Variants in TNPO3 observed in about 807,000 individuals in gnomAD.
The protein encoded by TNPO3 is transportin 3.
Under a neutral mutation model 122.8 loss-of-function variants are expected in TNPO3, and 65 were observed. The ratio of observed to expected loss-of-function variants is 0.53; its 90% CI spans 0.43 to 0.65. TNPO3 has a LOEUF of 0.65. TNPO3 is among the 30% of genes least tolerant of loss of function. The pLI is 0.00. For synonymous variants in TNPO3, 372 were observed against 411.2 expected (o/e 0.90, Z 1.15); for missense variants, 850 against 1,136.7 (o/e 0.75, Z 3.63).
chr7:129,055,902 A>T, upstream of TNPO3: 1 of 612,932 alleles, frequency 1.6e-6, no homozygotes, highest in South Asian at 2.0e-5. Flanking sequence ...AATGATCACA[A>T]TGTGTAAAAC....
chr7:128,961,501 C>G (rs1348725061), intron 21 of TNPO3, among the ~76,000 whole-genome samples: 1 of 152,112 alleles, frequency 6.6e-6, no homozygotes, highest in African/African-American at 2.4e-5. Flanking sequence ...AACTAAACCA[C>G]CTAATGACAC....
At chr7:128,987,125 T>C (rs909190138) in intron 11 of TNPO3, among the ~76,000 whole-genome samples, 16 of 152,176 alleles carry the variant, frequency 1.1e-4, no homozygotes, top group African/African-American at 3.6e-4. Flanking sequence ...CTGAGACCCA[T>C]CTATTTCATC....
At chr7:129,039,224 C>T (rs1434558815) in intron 1 of TNPO3, among the ~76,000 whole-genome samples, 1 of 152,048 alleles carries the variant, frequency 6.6e-6, no homozygotes, top group Non-Finnish European at 1.5e-5. Flanking sequence ...TAAAATGGTA[C>T]AGCCATTTTG....
At chr7:129,020,571 T>C (rs1195503133) in intron 1 of TNPO3, among the ~76,000 whole-genome samples, 2 of 152,122 alleles carry the variant, frequency 1.3e-5, no homozygotes, top group Admixed American at 6.5e-5. Context: ...CCCCTAGTAG[T>C]TGGAACTACA....
At chr7:129,011,463 C>G (rs1182952143) in intron 4 of TNPO3, among the ~76,000 whole-genome samples, 2 of 152,160 alleles carry the variant, frequency 1.3e-5, no homozygotes, top group African/African-American at 2.4e-5. Flanking sequence ...CCTGCCTTGG[C>G]CTCCCGAGTA....
intron 1 of TNPO3, among the ~76,000 whole-genome samples, chr7:129,022,454 C>A (rs1804631574): frequency 6.7e-6 from 1 of 150,342 alleles, no homozygotes; most frequent in Non-Finnish European, 1.5e-5. Flanking sequence ...CAGAGCAAGA[C>A]CCCGTTTCTT....
chr7:128,973,735 CAAAAAAAAAAA>C (rs71162544), intron 18 of TNPO3, among the ~76,000 whole-genome samples: 12 of 5,270 alleles, frequency 2.3e-3, no homozygotes, highest in African/African-American at 6.9e-3. Context: ...GACTCCGTCT[CAAAAAAAAAAA>C]AAAAAAAAAA....
intron 17 of TNPO3, 87 bp downstream of exon 17, chr7:128,975,732 C>A: frequency 1.2e-6 from 1 of 808,980 alleles, no homozygotes; most frequent in South Asian, 1.6e-5. Flanking sequence ...AAAGAAGCAA[C>A]AGAATTAAAG....
At chr7:129,018,577 T>C (rs1330209512) in intron 1 of TNPO3, among the ~76,000 whole-genome samples, 1 of 152,240 alleles carries the variant, frequency 6.6e-6, no homozygotes, top group Non-Finnish European at 1.5e-5. Context: ...AAGAATTGAA[T>C]CCAGAAGCTG....
At chr7:128,996,742 CAAAAAAAAAA>C (rs10618550) in intron 8 of TNPO3, among the ~76,000 whole-genome samples, 6 of 69,910 alleles carry the variant, frequency 8.6e-5, no homozygotes, top group South Asian at 5.9e-4. Flanking sequence ...GACTCCGTCT[CAAAAAAAAAA>C]AAAAAAAAAA....
intron 11 of TNPO3, among the ~76,000 whole-genome samples, chr7:128,989,068 C>A (rs1460645528): frequency 6.6e-6 from 1 of 151,996 alleles, no homozygotes; most frequent in Non-Finnish European, 1.5e-5. Flanking sequence ...CAGAGCGAGA[C>A]TCTATCTCAA....
chr7:129,055,855 C>T (rs1238044352), upstream of TNPO3: 2 of 581,478 alleles, frequency 3.4e-6, no homozygotes, highest in South Asian at 2.1e-5. Flanking sequence ...AACATTGCTG[C>T]TAGTCCTTTG....
intron 7 of TNPO3, among the ~76,000 whole-genome samples, chr7:128,997,827 T>C (rs1164913887): frequency 5.3e-5 from 8 of 151,998 alleles, no homozygotes. Flanking sequence ...ATAACAGACA[T>C]GGAAGTCTTT....
chr7:129,001,618 T>C (rs1484525186), intron 5 of TNPO3, among the ~76,000 whole-genome samples: 2 of 152,172 alleles, frequency 1.3e-5, no homozygotes, highest in African/African-American at 2.4e-5. Flanking sequence ...ATAAATGTAA[T>C]AGGAAAACAA....
rs1481664892 is a variant in TNPO3 at position 128,979,090 on chromosome 7, G to C, written c.1954C>G (p.His652Asp). 3.1e-6 allele frequency: 5 copies of C among 1,614,180 alleles called. No individual in the cohort carries two copies. Among genetic ancestry groups the C allele is most frequent in the Non-Finnish European group, 4.2e-6 (5 of 1,180,018 alleles). The change falls in exon 16 of 23, where the codon CAC (histidine) becomes GAC (aspartate). Residue 652 changes from histidine (H) to aspartate (D), a missense_variant. Coordinates refer to ENST00000265388, the MANE Select transcript of TNPO3 (RefSeq NM_012470.4). ...TCTACAATCCGATTATCAGCTCGGT[G>C]CTTATTTAGAGTCTCGGATAAAACT... is the stretch of plus-strand genomic sequence containing the variant. ...WPVLSETLNK[H>D]RADNRIVERC...
At chr7:129,023,533 C>A (rs1804776952) in intron 1 of TNPO3, among the ~76,000 whole-genome samples, 1 of 151,880 alleles carries the variant, frequency 6.6e-6, no homozygotes, top group Non-Finnish European at 1.5e-5. Flanking sequence ...CAAGATGGGC[C>A]CATGATACAT....
chr7:129,043,935 T>C (rs1379714265), intron 1 of TNPO3, among the ~76,000 whole-genome samples: 2 of 152,208 alleles, frequency 1.3e-5, no homozygotes, highest in Non-Finnish European at 2.9e-5. Flanking sequence ...TCAACACTGG[T>C]CTCTATTTCT....
chr7:129,054,346 C>T (rs1809200275), intron 1 of TNPO3, among the ~76,000 whole-genome samples: 1 of 152,080 alleles, frequency 6.6e-6, no homozygotes, highest in African/African-American at 2.4e-5. Flanking sequence ...AACGGAAAAG[C>T]ACGGCCCAAG....
At chr7:128,968,757 C>A (rs2128990354) in intron 20 of TNPO3, among the ~76,000 whole-genome samples, 1 of 152,256 alleles carries the variant, frequency 6.6e-6, no homozygotes, top group South Asian at 2.1e-4. Context: ...GCAGCTCAGA[C>A]TGGAGTGCAG....
Sources: allele counts gnomAD v4.1 joint callset (sites outside exome capture counted in the v4.1 genomes callset), GRCh38; gene constraint gnomAD v4.1.1; transcripts MANE v1.5; gene names NCBI Gene and HGNC (gene_info 2026-07-23, HGNC 2026-07-21).